PDE4D: variants seen among roughly 807,000 people sequenced by gnomAD.
PDE4D encodes the protein 3',5'-cyclic-AMP phosphodiesterase 4D.
PDE4D carries 24 observed loss-of-function variants against 87.4 expected under a neutral mutation model. That is an observed-to-expected ratio of 0.27 (90% CI 0.20 to 0.39). PDE4D has a LOEUF of 0.39. Ranked by LOEUF, PDE4D falls within the 10% of genes least tolerant of loss-of-function variation. The probability of loss-of-function intolerance (pLI) is 1.00; values close to 1 mark genes in which losing one functional copy is unlikely to be tolerated. For synonymous variants in PDE4D, 384 were observed against 383.2 expected, an observed-to-expected ratio of 1.00 and a Z score of -0.02; for missense variants, 714 against 1,041.0, an observed-to-expected ratio of 0.69 and a Z score of 4.32.
At chr5:59,168,704 G>C (rs114824007) in intron 5 of PDE4D, among the ~76,000 whole-genome samples, 3,522 of 152,202 alleles carry the variant, frequency 0.023, 146 homozygotes, top group African/African-American at 0.08. Flanking sequence ...GAGGGAAGGA[G>C]AGAGAAAAAA....
At chr5:60,226,278 G>A (rs1277772367) in intron 1 of PDE4D, among the ~76,000 whole-genome samples, 1 of 152,054 alleles carries the variant, frequency 6.6e-6, no homozygotes, top group African/African-American at 2.4e-5. Context: ...TGTCACATAT[G>A]GTGACAGCTG....
chr5:60,351,530 C>G (rs1759191702), intron 1 of PDE4D, among the ~76,000 whole-genome samples: 2 of 152,054 alleles, frequency 1.3e-5, no homozygotes, highest in East Asian at 1.9e-4. Flanking sequence ...ATGAGTTGAT[C>G]TTGAGAATGT....
chr5:59,181,795 T>C (rs1025137385), intron 4 of PDE4D, among the ~76,000 whole-genome samples: 2 of 152,150 alleles, frequency 1.3e-5, no homozygotes, highest in African/African-American at 4.8e-5. Context: ...AAGCTGAGAT[T>C]TGAACTAAAC....
intron 1 of PDE4D, among the ~76,000 whole-genome samples, chr5:59,735,351 A>G (rs1401118195): frequency 3.3e-5 from 5 of 152,186 alleles, no homozygotes; most frequent in Admixed American, 6.6e-5. Context: ...GTATTCAGGC[A>G]ATCTGCAGCC....
chr5:59,562,149 GTTT>G (rs1820129597), intron 1 of PDE4D, among the ~76,000 whole-genome samples: 1 of 151,530 alleles, frequency 6.6e-6, no homozygotes, highest in African/African-American at 2.4e-5. Context: ...GTTTTGTTTT[GTTT>G]TGTTTTTTTC....
At chr5:59,300,768 C>G (rs1357267884) in intron 1 of PDE4D, among the ~76,000 whole-genome samples, 1 of 152,124 alleles carries the variant, frequency 6.6e-6, no homozygotes, top group Non-Finnish European at 1.5e-5. Context: ...TCAGATCCCA[C>G]CGGTTGAAGG....
chr5:59,012,619 T>G (rs535690144), intron 6 of PDE4D, among the ~76,000 whole-genome samples: 2 of 152,302 alleles, frequency 1.3e-5, no homozygotes, highest in East Asian at 3.9e-4. Context: ...TAAATATATA[T>G]GCACCCAATA....
At chr5:59,570,179 T>TA (rs201354720) in intron 1 of PDE4D, among the ~76,000 whole-genome samples, 2,655 of 152,004 alleles carry the variant, frequency 0.017, 88 homozygotes, top group African/African-American at 0.06. Context: ...TCTTATTCTT[T>TA]AAAAAAAACC....
chr5:59,889,880 G>C (rs1217504366), intron 1 of PDE4D, among the ~76,000 whole-genome samples: 1 of 152,054 alleles, frequency 6.6e-6, no homozygotes, highest in Non-Finnish European at 1.5e-5. Flanking sequence ...ATTAAGACAT[G>C]AATCTACCTT....
intron 1 of PDE4D, among the ~76,000 whole-genome samples, chr5:59,538,368 C>G (rs891167657): frequency 3.3e-5 from 5 of 152,156 alleles, no homozygotes; most frequent in Admixed American, 2.6e-4. Flanking sequence ...ACTTCTCAGA[C>G]CCTACTAGCC....
At chr5:59,739,548 CAATT>C (rs1423637875) in intron 1 of PDE4D, among the ~76,000 whole-genome samples, 7 of 152,174 alleles carry the variant, frequency 4.6e-5, no homozygotes, top group Admixed American at 1.3e-4. Context: ...CAATGTTAAT[CAATT>C]GAGATAAATT....
chr5:60,386,575 C>A (rs556273850), intron 1 of PDE4D, among the ~76,000 whole-genome samples: 1 of 152,196 alleles, frequency 6.6e-6, no homozygotes, highest in African/African-American at 2.4e-5. Flanking sequence ...GGGGTTCTGC[C>A]AGCTCCAGCA....
At chr5:59,108,885 T>G (rs1421284603) in intron 5 of PDE4D, among the ~76,000 whole-genome samples, 1 of 136,590 alleles carries the variant, frequency 7.3e-6, no homozygotes, top group African/African-American at 2.8e-5. Flanking sequence ...CCAGCCTGGG[T>G]GACAGAGTGA....
intron 2 of PDE4D, among the ~76,000 whole-genome samples, chr5:59,198,071 C>A (rs1447356348): frequency 6.6e-6 from 1 of 152,102 alleles, no homozygotes; most frequent in East Asian, 1.9e-4. Context: ...ATCGCCTGGA[C>A]ATTTTGAAAT....
chr5:60,489,160 T>C (rs1749380317), upstream of PDE4D, among the ~76,000 whole-genome samples: 1 of 152,208 alleles, frequency 6.6e-6, no homozygotes, highest in Non-Finnish European at 1.5e-5. Flanking sequence ...ACCCCTTAGA[T>C]ACTTAATGTA....
At chr5:59,040,625 T>C (rs964556790) in intron 5 of PDE4D, among the ~76,000 whole-genome samples, 6 of 152,188 alleles carry the variant, frequency 3.9e-5, no homozygotes, top group African/African-American at 1.4e-4. Flanking sequence ...AGCAGATCAG[T>C]TGTGGGAGAA....
chr5:60,499,190 T>A (rs559482551), intron 1 of PDE4D, among the ~76,000 whole-genome samples: 5 of 152,324 alleles, frequency 3.3e-5, no homozygotes, highest in African/African-American at 1.2e-4. Context: ...CAACTGGATC[T>A]GTGTATTTAG....
chr5:59,305,881 T>C (rs1771233469), intron 1 of PDE4D, among the ~76,000 whole-genome samples: 1 of 152,200 alleles, frequency 6.6e-6, no homozygotes, highest in Non-Finnish European at 1.5e-5. Context: ...TTTGCAGTTG[T>C]TCTGTATATA....
chr5:60,072,469 T>G (rs1427882393), intron 2 of PDE4D, among the ~76,000 whole-genome samples: 1 of 152,222 alleles, frequency 6.6e-6, no homozygotes, highest in African/African-American at 2.4e-5. Context: ...CTATTTTCTC[T>G]GTTGGTAGTT....
Sources: gnomAD v4.1 joint callset for allele counts (sites outside exome capture counted in the v4.1 genomes callset) on GRCh38, gnomAD v4.1.1 for gene constraint, MANE v1.5 for transcripts, NCBI Gene and HGNC (gene_info 2026-07-23, HGNC 2026-07-21) for gene names.